The following RYR3 variants were observed in gnomAD, a reference collection of about 807,000 sequenced individuals.
The protein encoded by RYR3 is brain ryanodine receptor-calcium release channel.
A neutral mutation model predicts 584.3 loss-of-function variants in RYR3; 207 were observed. The observed-to-expected ratio is 0.35, with a 90% CI of 0.32 to 0.40. The LOEUF is 0.40. RYR3 is among the 10% of genes least tolerant of loss of function. RYR3 has a pLI of 1.00. For synonymous variants in RYR3, 2,416 were observed against 2,248.5 expected (o/e 1.07, Z -2.11); for missense variants, 5,616 against 6,089.2 (o/e 0.92, Z 2.59).
At chr15:33,807,627 TG>T in intron 70 of RYR3, 58 bp downstream of exon 70, 1 of 1,500,648 alleles carries the variant, frequency 6.7e-7, no homozygotes, top group Non-Finnish European at 9.1e-7. Flanking sequence ...TGCCGGGCTC[TG>T]GCCCCCTCTG....
At chr15:33,458,518 TG>T (rs2047747888) in intron 1 of RYR3, among the ~76,000 whole-genome samples, 1 of 152,222 alleles carries the variant, frequency 6.6e-6, no homozygotes, top group Non-Finnish European at 1.5e-5. Flanking sequence ...TGTGTATATT[TG>T]TGTGTGTATA....
intron 60 of RYR3, among the ~76,000 whole-genome samples, chr15:33,763,621 A>G (rs1438523089): frequency 1.3e-5 from 2 of 152,060 alleles, no homozygotes; most frequent in African/African-American, 4.8e-5. Context: ...GGGCAGCCAC[A>G]GTGGCTCATG....
rs61996338 is a variant in RYR3, at chr15:33,788,314, C to T, written c.9686C>T (p.Thr3229Met). 4,984 of 1,613,936 alleles carry T rather than the reference C, an allele frequency of 3.1e-3. 95 individuals are homozygous for T. In the African/African-American group the frequency reaches 0.044, roughly 14 times the overall value. Residue 3229 changes from threonine to methionine, a missense_variant, in exon 67 of 104, where the codon ACG (threonine) becomes ATG (methionine). Around this residue, in one of 9 missense-constraint regions of RYR3, gnomAD observed 954 missense variants for 1,132.2 expected, o/e 0.84. Coordinates refer to ENST00000634891, the MANE Select transcript of RYR3 (RefSeq NM_001036.6). ...LEKLKKKAVK[T>M]VQEEEQLKAD... ...AAGCTGAAGAAAAAGGCTGTCAAGA[C>T]GGTGCAGGAGGAGGAGCAGTTGAAA...
intron 18 of RYR3, among the ~76,000 whole-genome samples, chr15:33,604,736 C>T (rs2059827943): frequency 6.6e-6 from 1 of 152,170 alleles, no homozygotes; most frequent in Non-Finnish European, 1.5e-5. Context: ...CCTTTGTTCT[C>T]ATAGTGTTAT....
At chr15:33,856,647 G>GTTT (rs60494844) in intron 98 of RYR3, 94,819 of 153,850 alleles carry the variant, frequency 0.62, 29,408 homozygotes, top group Admixed American at 0.66. Flanking sequence ...GAACCTTTGG[G>GTTT]TTTTTTGTTT....
chr15:33,500,338 A>G (rs1877048461), intron 2 of RYR3, among the ~76,000 whole-genome samples: 1 of 152,214 alleles, frequency 6.6e-6, no homozygotes, highest in Admixed American at 6.5e-5. Flanking sequence ...ATTGCCAGAT[A>G]GAGAAATGCT....
chr15:33,802,109 A>G, intron 69 of RYR3, 148 bp downstream of exon 69: 1 of 768,802 alleles, frequency 1.3e-6, no homozygotes, highest in Non-Finnish European at 2.4e-6. Flanking sequence ...TTCTTTGAGA[A>G]CGAGCCAGAA....
At chr15:33,326,194 A>G (rs998928462) in intron 1 of RYR3, among the ~76,000 whole-genome samples, 2 of 152,174 alleles carry the variant, frequency 1.3e-5, no homozygotes, top group African/African-American at 4.8e-5. Context: ...ATCTTCTAAA[A>G]GAACCATAGG....
chr15:33,773,235 G>A (rs115324914), intron 63 of RYR3, among the ~76,000 whole-genome samples: 2,310 of 152,244 alleles, frequency 0.015, 66 homozygotes, highest in African/African-American at 0.053. Flanking sequence ...GAACCAAATC[G>A]CATTATGGAA....
chr15:33,312,017 C>T (rs1967390651), intron 1 of RYR3, among the ~76,000 whole-genome samples: 1 of 152,220 alleles, frequency 6.6e-6, no homozygotes, highest in Non-Finnish European at 1.5e-5. Flanking sequence ...CATAATCCGC[C>T]CTACTCAGCC....
At chr15:33,416,771 A>G (rs774602616) in intron 1 of RYR3, among the ~76,000 whole-genome samples, 1 of 152,172 alleles carries the variant, frequency 6.6e-6, no homozygotes, top group Non-Finnish European at 1.5e-5. Context: ...GCCTAGGCCA[A>G]TGTCTGGAAC....
chr15:33,452,640 TCAAA>T (rs2047222947), intron 1 of RYR3, among the ~76,000 whole-genome samples: 1 of 152,150 alleles, frequency 6.6e-6, no homozygotes, highest in Non-Finnish European at 1.5e-5. Flanking sequence ...CATTTAATCC[TCAAA>T]CAATGTGTGA....
rs1216855917 is a variant in RYR3 at position 33,566,810 on chromosome 15, T to G, written c.1268+11T>G. 3 of 1,613,530 alleles carry G rather than the reference T, an allele frequency of 1.9e-6. No homozygotes were observed. The South Asian group carries it at 3.3e-5, about 18-fold the overall frequency. On this transcript the variant is annotated intron_variant, in intron 12 of 103. Transcript: ENST00000634891. ...CAGCCAGTTTGTCAGGTATGTTAGC[T>G]CCTTTCCTCCTCTACCTAGTGAGTT...
At chr15:33,816,181 A>G (rs1477253392) in intron 74 of RYR3, among the ~76,000 whole-genome samples, 12 of 152,138 alleles carry the variant, frequency 7.9e-5, no homozygotes, top group Non-Finnish European at 1.5e-5. Context: ...ACATTTTGTA[A>G]ACACTTGGCT....
intron 64 of RYR3, 150 bp from the exon 65 acceptor site, chr15:33,780,061 A>G: frequency 1.3e-6 from 1 of 793,370 alleles, no homozygotes; most frequent in East Asian, 2.7e-5. Context: ...TAGTGTCTAG[A>G]GAAAGAGGAG....
intron 24 of RYR3, among the ~76,000 whole-genome samples, chr15:33,633,590 G>C (rs959080019): frequency 6.6e-6 from 1 of 152,186 alleles, no homozygotes; most frequent in Non-Finnish European, 1.5e-5. Flanking sequence ...TATCAGGGAC[G>C]TTCAGGAGTG....
At chr15:33,409,227 A>G (rs537442740) in intron 1 of RYR3, among the ~76,000 whole-genome samples, 20 of 152,262 alleles carry the variant, frequency 1.3e-4, no homozygotes, top group Admixed American at 3.3e-4. Flanking sequence ...GTGCATGTGT[A>G]CAATGTGCAG....
At chr15:33,723,321 C>T (rs867282819) in intron 44 of RYR3, among the ~76,000 whole-genome samples, 2 of 152,042 alleles carry the variant, frequency 1.3e-5, no homozygotes, top group South Asian at 4.1e-4. Context: ...AGCATGAGGA[C>T]TAATTAAGAA....
intron 1 of RYR3, among the ~76,000 whole-genome samples, chr15:33,421,899 T>A (rs1164646278): frequency 6.6e-6 from 1 of 152,168 alleles, no homozygotes; most frequent in Non-Finnish European, 1.5e-5. Flanking sequence ...TCCCATAAAA[T>A]GTGGAAGACC....
Sources: allele counts gnomAD v4.1 joint callset (sites outside exome capture counted in the v4.1 genomes callset), GRCh38; gene constraint gnomAD v4.1.1; regional missense constraint gnomAD v4.1.1; transcripts MANE v1.5; gene names NCBI Gene and HGNC (gene_info 2026-07-23, HGNC 2026-07-21).